The following PHLDB1 variants were observed in gnomAD, a reference collection of about 807,000 sequenced individuals.
The protein encoded by PHLDB1 is pleckstrin homology like domain family B member 1, also known as pleckstrin homology-like domain family B member 1.
Under a neutral mutation model 139.3 loss-of-function variants are expected in PHLDB1, and 65 were observed. That is an observed-to-expected ratio of 0.47 (90% CI 0.38 to 0.57). The LOEUF is 0.57. PHLDB1 is among the 20% of genes least tolerant of loss of function. The probability of loss-of-function intolerance (pLI) is 0.00; values close to 1 mark genes in which losing one functional copy is unlikely to be tolerated. For missense variants in PHLDB1, 1,624 were observed against 1,839.7 expected (o/e 0.88, Z 2.14); for synonymous variants, 679 against 734.5 (o/e 0.92, Z 1.22).
chr11:118,650,539 A>G lies in PHLDB1; in HGVS notation c.3866A>G (p.Tyr1289Cys). The change falls in exon 20 of 23, where the codon TAT (tyrosine) becomes TGT (cysteine). Residue 1289 changes from tyrosine to cysteine, a missense_variant. Physicochemically the swap from Tyr to Cys is radical, Grantham distance 194. Transcript: ENST00000600882. The surrounding 1 kb of genome is among the most constrained non-coding windows in gnomAD (Gnocchi z 4.7). ...GACCGGCTCAAGCGCACCCTTTCCT[A>G]TTATGTGGGTGAGTTCCCACAAGGC... ...VFDRLKRTLS[Y>C]YVDKHETKLK... is the part of the protein sequence containing the mutation. The G allele has an allele frequency of 6.2e-7, 1 of 1,611,630 alleles. No individual in the cohort carries two copies. The highest frequency in any genetic ancestry group is 8.5e-7 in the Non-Finnish European group (1 of 1,177,758).
chr11:118,635,315 T>C, intron 9 of PHLDB1, 78 bp from the exon 10 acceptor site: 1 of 1,466,224 alleles, frequency 6.8e-7, no homozygotes, highest in Middle Eastern at 1.8e-4. Context: ...ATACAACGCA[T>C]GCCCCTGTGG....
chr11:118,632,771 C>A lies in PHLDB1; in HGVS notation c.2379+475C>A. ...CCTTCAGGATCTGCAGCCTCCCATC[C>A]CAGGTGATCCTAGCTCCTGCCCCTG... On this transcript the variant is annotated intron_variant, in intron 9 of 22. Transcript: ENST00000600882. This position sits in a 1 kb window ranked among gnomAD's most constrained non-coding sequence, Gnocchi z 5.9. The A allele has an allele frequency of 3.0e-6, 2 of 660,486 alleles. No individual in the cohort carries two copies. Among genetic ancestry groups the A allele is most frequent in the Non-Finnish European group, 3.8e-6 (2 of 529,334 alleles). The allele number at this position is 660,486 out of a possible 1,614,324, so 40.9% of individuals were successfully genotyped here.
At position 118,616,242 on chromosome 11, in the gene PHLDB1, C is replaced by T. The variant is rs782169265; in HGVS notation, c.355+31C>T. On this transcript the variant is annotated intron_variant, in intron 4 of 22. Coordinates refer to ENST00000600882, the MANE Select transcript of PHLDB1 (RefSeq NM_001144758.3). ...GCTGGACACCTCCAGATGGAGGGGG[C>T]CTCTGTTTAAAGGCTTGTGTGTATT... The T allele has an allele frequency of 1.0e-5, 16 of 1,603,710 alleles. No homozygotes were observed. In the East Asian group the frequency reaches 1.6e-4, roughly 16 times the overall value.
At position 118,614,455 on chromosome 11, in the gene PHLDB1, C is replaced by T; in HGVS notation, c.61-104C>T. On this transcript the variant is annotated intron_variant, in intron 2 of 22. Coordinates refer to ENST00000600882, the MANE Select transcript of PHLDB1 (RefSeq NM_001144758.3). ...CTAAGCCTTTCAGCACCCTCAGAGC[C>T]CTTCGGAGAGGGGCGAGGGCTGGAG... is the stretch of plus-strand genomic sequence containing the variant. The T allele has an allele frequency of 2.3e-6, 3 of 1,292,702 alleles. No individual in the cohort carries two copies. In the South Asian group the frequency reaches 4.1e-5, roughly 18 times the overall value. 80.1% of individuals were successfully genotyped at this position (1,292,702 alleles called of 1,614,324 possible). A position where few individuals can be genotyped will look rare whatever the true frequency, so the allele number is the denominator to read the frequency against.
At chr11:118,616,278 G>A (rs1941620448) in intron 4 of PHLDB1, 67 bp downstream of exon 4, 1 of 1,432,204 alleles carries the variant, frequency 7.0e-7, no homozygotes, top group Non-Finnish European at 9.6e-7. Context: ...AGGCACAGGG[G>A]AGGCTGGCTG....
chr11:118,616,047 C>T lies in PHLDB1; in HGVS notation c.191C>T (p.Thr64Met), dbSNP rs782715028. 12 of 1,612,092 alleles carry T rather than the reference C, an allele frequency of 7.4e-6. No individual in the cohort carries two copies. The highest frequency in any genetic ancestry group is 3.3e-5 in the South Asian group (3 of 90,852). Residue 64 changes from threonine to methionine, a missense_variant, in exon 4 of 23, where the codon ACG (threonine) becomes ATG (methionine). Transcript: ENST00000600882. ...ITLLPLEEGR[T>M]VIGSAARDIS... ...GTTTGCCTCTTGTCTCCAGGGAGGA[C>T]GGTGATTGGCTCTGCAGCCAGAGAC...
In PHLDB1 at chr11:118,631,395, C is replaced by A; in HGVS notation, c.2016C>A (p.Thr672=). ...GCAGCGAGGAGCCTGGCGTTGCCAC[C>A]CAACGCCTATGGGAGAGTATGGAGC... is the stretch of plus-strand genomic sequence containing the variant. ...GRSSEEPGVA[T]QRLWESMERS... The change falls in exon 7 of 23, where the codon ACC becomes ACA. Residue 672 remains threonine, a synonymous_variant. Transcript: ENST00000600882. 6.7e-7 allele frequency: 1 copy of A among 1,502,548 alleles called. No homozygotes were observed. Among genetic ancestry groups the A allele is most frequent in the South Asian group, 1.3e-5 (1 of 75,070 alleles). 93.1% of individuals were successfully genotyped at this position (1,502,548 alleles called of 1,614,324 possible).
intron 9 of PHLDB1, chr11:118,633,179 C>G (rs1330840065): frequency 6.6e-6 from 1 of 152,428 alleles, no homozygotes; most frequent in East Asian, 1.9e-4. Flanking sequence ...CGCTTTTGCA[C>G]TAACTCAGTG....
intron 4 of PHLDB1, among the ~76,000 whole-genome samples, chr11:118,619,282 G>C (rs1330708495): frequency 1.3e-5 from 2 of 152,176 alleles, no homozygotes; most frequent in Non-Finnish European, 2.9e-5. Context: ...CTGGTCTCCA[G>C]TCTCCTTCAT....
Position 118,624,959 on chromosome 11 carries a change from C to A in PHLDB1, c.381C>A (p.Ser127=), listed in dbSNP as rs1943601676. The stretch of plus-strand genomic sequence containing the variant: ...GCTGCATGTTGTGCCTGGGTCAGTC[C>A]ACCTTCCTTCGCTTTAACCACCCGG... The part of the protein sequence containing the change: ...TQGCMLCLGQ[S]TFLRFNHPAE... The change falls in exon 5 of 23, where the codon TCC becomes TCA. Residue 127 remains serine (S), a synonymous_variant. Transcript: ENST00000600882. 6.2e-7 allele frequency: 1 copy of A among 1,613,938 alleles called. No individual in the cohort carries two copies. Among genetic ancestry groups the A allele is most frequent in the African/African-American group, 1.3e-5 (1 of 74,882 alleles).
chr11:118,650,803 A>T lies in PHLDB1; in HGVS notation c.3874+256A>T. 2.0e-6 allele frequency: 1 copy of T among 511,996 alleles called. No individual in the cohort carries two copies. Among genetic ancestry groups the T allele is most frequent in the Non-Finnish European group, 3.5e-6 (1 of 283,782 alleles). 31.7% of individuals were successfully genotyped at this position (511,996 alleles called of 1,614,324 possible). On this transcript the variant is annotated intron_variant, in intron 20 of 22. Coordinates refer to ENST00000600882, the MANE Select transcript of PHLDB1 (RefSeq NM_001144758.3). This position sits in a 1 kb window ranked among gnomAD's most constrained non-coding sequence, Gnocchi z 4.7. ...CTAGGCACTGTTCTAGGCTCTGGTG[A>T]TGAGTAAGATGGCCACAGCGCTCTC...
In PHLDB1 at chr11:118,644,415, T is replaced by C. The variant is rs537974620; in HGVS notation, c.3121+241T>C. ...CATCTTTCCTAGAGAGCCTAGCCAA[T>C]AAGGGAACTGCTTGTTGACCTGAGT... is the stretch of plus-strand genomic sequence containing the variant. On this transcript the variant is annotated intron_variant, in intron 15 of 22. Coordinates refer to ENST00000600882, the MANE Select transcript of PHLDB1 (RefSeq NM_001144758.3). 7.6e-5 allele frequency: 41 copies of C among 541,190 alleles called. No homozygotes were observed. In the South Asian group the frequency reaches 8.1e-4, roughly 11 times the overall value. 33.5% of individuals were successfully genotyped at this position (541,190 alleles called of 1,614,324 possible).
In PHLDB1 at chr11:118,632,155, C is replaced by G; in HGVS notation, c.2242-4C>G. On this transcript the variant is annotated splice_region_variant and splice_polypyrimidine_tract_variant and intron_variant, in intron 8 of 22. Coordinates refer to ENST00000600882, the MANE Select transcript of PHLDB1 (RefSeq NM_001144758.3). The surrounding 1 kb of genome is among the most constrained non-coding windows in gnomAD (Gnocchi z 5.9). ...TTGATGGGGACCCTGGTGTCTGCCC[C>G]CAGGCCGAAATGGAGCGGGCACTGC... is the stretch of plus-strand genomic sequence containing the variant. 6.2e-7 allele frequency: 1 copy of G among 1,613,952 alleles called. No individual in the cohort carries two copies. Among genetic ancestry groups the G allele is most frequent in the Non-Finnish European group, 8.5e-7 (1 of 1,179,918 alleles).
rs1591423576 is a variant in PHLDB1, at chr11:118,610,990, C to T, written c.-21-2826C>T. On this transcript the variant is annotated intron_variant, in intron 1 of 22. Transcript: ENST00000600882. The surrounding 1 kb of genome is among the most constrained non-coding windows in gnomAD (Gnocchi z 8.7). The stretch of plus-strand genomic sequence containing the variant: ...GGCACCCAGGGCCGGACGCGCACCG[C>T]AGGGGTCTTTTTTTGGCCGCGGGGC... Among the ~76,000 whole-genome samples, 1 of 152,194 alleles carries T rather than the reference C, an allele frequency of 6.6e-6. No individual in the cohort carries two copies. The highest frequency in any genetic ancestry group is 1.9e-4 in the East Asian group (1 of 5,130).
chr11:118,628,781 A>G (rs1283098567), intron 6 of PHLDB1, 131 bp downstream of exon 6: 1 of 760,338 alleles, frequency 1.3e-6, no homozygotes, highest in Admixed American at 3.1e-5. Flanking sequence ...CACCTCCAGG[A>G]TACACTTTAG....
At position 118,645,567 on chromosome 11, in the gene PHLDB1, G is replaced by A. The variant is rs782539215; in HGVS notation, c.3333G>A (p.Thr1111=). Residue 1111 remains threonine, a synonymous_variant, in exon 16 of 23, where the codon ACG becomes ACA. Transcript: ENST00000600882. This position sits in a 1 kb window ranked among gnomAD's most constrained non-coding sequence, Gnocchi z 5.1. ...AGGAGGGTGAGCACGCCTATGATAC[G>A]CTGAGTCTGGAGAGCTCTGACAGCA... ...RGEEGEHAYD[T]LSLESSDSME... 18 of 1,613,592 alleles carry A rather than the reference G, an allele frequency of 1.1e-5. No individual in the cohort carries two copies. The Admixed American group carries it at 1.5e-4, about 13-fold the overall frequency.
chr11:118,649,789 T>C (rs574396015), intron 18 of PHLDB1, among the ~76,000 whole-genome samples: 1 of 152,278 alleles, frequency 6.6e-6, no homozygotes, highest in East Asian at 1.9e-4. Context: ...TCTCTTTGGC[T>C]CAGGAGGGAA....
At chr11:118,612,608 G>A (rs1940691763) in intron 1 of PHLDB1, among the ~76,000 whole-genome samples, 1 of 152,200 alleles carries the variant, frequency 6.6e-6, no homozygotes, top group Admixed American at 6.5e-5. Flanking sequence ...CGCCAGCTTG[G>A]GTGGAAATGG....
intron 9 of PHLDB1, chr11:118,634,658 C>A (rs1555113673): frequency 4.7e-6 from 1 of 211,764 alleles, no homozygotes; most frequent in African/African-American, 2.4e-5. Context: ...TTACCTTCAG[C>A]TCCTGGCCTT....
Sources: allele counts gnomAD v4.1 joint callset (sites outside exome capture counted in the v4.1 genomes callset), GRCh38; gene constraint gnomAD v4.1.1; non-coding constraint Gnocchi (gnomAD v3.1); transcripts MANE v1.5; gene names NCBI Gene and HGNC (gene_info 2026-07-23, HGNC 2026-07-21).